The following DPP8 variants were observed in gnomAD, a reference collection of about 807,000 sequenced individuals.
DPP8 encodes DPP VIII.
A neutral mutation model predicts 107.5 loss-of-function variants in DPP8; 31 were observed. That is an observed-to-expected ratio of 0.29 (90% CI 0.22 to 0.39). The LOEUF (loss-of-function observed/expected upper bound fraction) is 0.39, where lower values mean the gene tolerates loss of function less well. Ranked by LOEUF, DPP8 falls within the 10% of genes least tolerant of loss-of-function variation. The pLI is 1.00. For missense variants in DPP8, 842 were observed against 1,076.1 expected, an observed-to-expected ratio of 0.78 and a Z score of 3.04; for synonymous variants, 381 against 356.6, an observed-to-expected ratio of 1.07 and a Z score of -0.77.
intron 2 of DPP8, among the ~76,000 whole-genome samples, chr15:65,510,596 T>C (rs113339561): frequency 1.3e-5 from 2 of 152,102 alleles, no homozygotes; most frequent in Non-Finnish European, 2.9e-5. Context: ...TGGAGTGCAG[T>C]GGCACCATCT....
chr15:65,452,262 C>T (rs903097856), intron 17 of DPP8, among the ~76,000 whole-genome samples, 160 bp from the exon 18 acceptor site: 12 of 152,090 alleles, frequency 7.9e-5, no homozygotes, highest in African/African-American at 2.7e-4. Context: ...CGAAGTGAAG[C>T]GCTAAGGTCA....
chr15:65,464,719 A>G (rs1376254470), intron 14 of DPP8, among the ~76,000 whole-genome samples: 1 of 152,162 alleles, frequency 6.6e-6, no homozygotes, highest in African/African-American at 2.4e-5. Context: ...CAAATAAAGA[A>G]CAACAACAAA....
At chr15:65,484,958 T>C (rs878969848) in intron 8 of DPP8, 141 bp downstream of exon 8, 6 of 670,608 alleles carry the variant, frequency 8.9e-6, no homozygotes, top group South Asian at 1.7e-5. Flanking sequence ...AGTAAAAAAT[T>C]AGGTCAATCT....
intron 12 of DPP8, among the ~76,000 whole-genome samples, chr15:65,468,479 G>A (rs1257315969): frequency 1.4e-5 from 2 of 144,492 alleles, no homozygotes; most frequent in East Asian, 4.2e-4. Context: ...GGGCAACAGA[G>A]CAAGACCCTT....
Position 65,501,389 on chromosome 15 carries a change from A to G in DPP8, c.373-610T>C, listed in dbSNP as rs778823327. Among the ~76,000 whole-genome samples the G allele has an allele frequency of 2.0e-5, 3 of 152,202 alleles. No homozygotes were observed. In the East Asian group the frequency reaches 5.8e-4, roughly 29 times the overall value. ...ATTCAAGACTTTCTACAACTTAACT[A>G]TAATTTAGTAGCCAGCATGCAATTA... is the stretch of plus-strand genomic sequence containing the variant. On this transcript the variant is annotated intron_variant, in intron 3 of 19. Transcript: ENST00000300141.
At chr15:65,486,992 T>TA (rs1000311723) in intron 7 of DPP8, among the ~76,000 whole-genome samples, 7 of 149,058 alleles carry the variant, frequency 4.7e-5, no homozygotes, top group African/African-American at 1.7e-4. Flanking sequence ...AAATTTAAAA[T>TA]AAAAAAAAGG....
At chr15:65,468,104 A>C (rs544662844) in intron 12 of DPP8, among the ~76,000 whole-genome samples, 1 of 152,326 alleles carries the variant, frequency 6.6e-6, no homozygotes, top group Non-Finnish European at 1.5e-5. Context: ...TCAATAGCTG[A>C]ATTCACTTAA....
chr15:65,456,406 G>A (rs1436542601), intron 15 of DPP8, 35 bp from the exon 16 acceptor site: 4 of 1,584,720 alleles, frequency 2.5e-6, no homozygotes, highest in African/African-American at 1.4e-5. Flanking sequence ...TTATCATATG[G>A]AAGCATATAA....
intron 12 of DPP8, among the ~76,000 whole-genome samples, chr15:65,470,919 C>CAAAAAAAAAAAAAAAAAAAAA (rs773144225): frequency 5.9e-4 from 65 of 110,742 alleles, no homozygotes; most frequent in African/African-American, 2.2e-3. Context: ...ACTCTTATCT[C>CAAAAAAAAAAAAAAAAAAAAA]AAAAAAAAAA....
chr15:65,498,776 T>C lies in DPP8; in HGVS notation c.547-744A>G, dbSNP rs113211266. 5.8e-3 allele frequency among the ~76,000 whole-genome samples: 877 copies of C among 152,202 alleles called. 11 individuals are homozygous for C. The highest frequency in any genetic ancestry group is 0.02 in the African/African-American group (842 of 41,546). On this transcript the variant is annotated intron_variant, in intron 4 of 19. Transcript: ENST00000300141. ...AAAGAAGAGTTCCTAAAGCTCATAA[T>C]CAATTGCCTAGGATAAAACCAAACA...
chr15:65,462,668 C>T (rs1490341589), intron 15 of DPP8, among the ~76,000 whole-genome samples: 2 of 152,126 alleles, frequency 1.3e-5, no homozygotes, highest in Non-Finnish European at 2.9e-5. Context: ...CAACCTCTGA[C>T]TCCCTGGTTC....
intron 1 of DPP8, chr15:65,516,503 C>T (rs1018988515): frequency 6.6e-6 from 1 of 151,474 alleles, no homozygotes; most frequent in Non-Finnish European, 1.5e-5. Flanking sequence ...GCTCCCATAG[C>T]CCAAGTAGGT....
chr15:65,476,569 TG>T (rs1180225411), intron 11 of DPP8, among the ~76,000 whole-genome samples: 4 of 152,090 alleles, frequency 2.6e-5, no homozygotes, highest in African/African-American at 9.7e-5. Context: ...GAATGTAAAA[TG>T]GGGTAGCAGT....
intron 3 of DPP8, 73 bp from the exon 4 acceptor site, chr15:65,500,852 G>T: frequency 2.5e-5 from 19 of 767,496 alleles, no homozygotes; most frequent in Non-Finnish European, 3.3e-5. Flanking sequence ...TGAAATCCTA[G>T]AATCTCCAAC....
At chr15:65,480,989 C>G (rs977914318) in intron 9 of DPP8, among the ~76,000 whole-genome samples, 4 of 151,858 alleles carry the variant, frequency 2.6e-5, no homozygotes, top group African/African-American at 9.7e-5. Context: ...CCCAGCTACT[C>G]AGGAGGATAG....
At position 65,466,675 on chromosome 15, in the gene DPP8, T is replaced by C. The variant is rs1249317035; in HGVS notation, c.1825+3A>G. 6.2e-7 allele frequency: 1 copy of C among 1,613,644 alleles called. No individual in the cohort carries two copies. Among genetic ancestry groups the C allele is most frequent in the Non-Finnish European group, 8.5e-7 (1 of 1,179,654 alleles). On this transcript the variant is annotated splice_donor_region_variant and intron_variant, in intron 14 of 19. Transcript: ENST00000300141. ...CGTCAGGATCAGGGGGAAAAAAGAA[T>C]ACCTGCTGAATCCAAAATGGTGGCC...
intron 8 of DPP8, among the ~76,000 whole-genome samples, chr15:65,483,288 G>C (rs1490497162): frequency 6.6e-6 from 1 of 152,032 alleles, no homozygotes; most frequent in Non-Finnish European, 1.5e-5. Context: ...ACTTTGGGAG[G>C]CTGAAGTGAG....
At chr15:65,507,405 A>G in intron 2 of DPP8, 50 bp from the exon 3 acceptor site, 1 of 1,200,428 alleles carries the variant, frequency 8.3e-7, no homozygotes, top group African/African-American at 1.5e-5. Flanking sequence ...TAGCATTCTT[A>G]CTACAGTCAC....
chr15:65,513,298 C>G (rs773665138), intron 1 of DPP8, among the ~76,000 whole-genome samples: 1 of 151,838 alleles, frequency 6.6e-6, no homozygotes. Flanking sequence ...TTTGCAAGCT[C>G]CGCCTCCCAG....
Sources: allele counts gnomAD v4.1 joint callset (sites outside exome capture counted in the v4.1 genomes callset), GRCh38; gene constraint gnomAD v4.1.1; transcripts MANE v1.5; gene names NCBI Gene and HGNC (gene_info 2026-07-23, HGNC 2026-07-21).